NAV2: variants seen among roughly 807,000 people sequenced by gnomAD.
NAV2 encodes helicase, APC down-regulated 1.
A neutral mutation model predicts 223.2 loss-of-function variants in NAV2; 54 were observed. That is an observed-to-expected ratio of 0.24 (90% CI 0.19 to 0.30). NAV2 has a LOEUF of 0.30. Ranked by LOEUF, NAV2 falls within the 10% of genes least tolerant of loss-of-function variation. NAV2 has a pLI of 1.00. For synonymous variants in NAV2, 1,279 were observed against 1,239.3 expected (o/e 1.03, Z -0.67); for missense variants, 2,806 against 3,147.5 (o/e 0.89, Z 2.60).
At chr11:19,796,101 C>T (rs1175700663) in intron 1 of NAV2, among the ~76,000 whole-genome samples, 1 of 152,098 alleles carries the variant, frequency 6.6e-6, no homozygotes, top group African/African-American at 2.4e-5. Context: ...TTAGGGAATT[C>T]ATCAATGGGG....
intron 1 of NAV2, among the ~76,000 whole-genome samples, chr11:19,800,564 C>T (rs1397894181): frequency 1.3e-5 from 2 of 152,148 alleles, no homozygotes; most frequent in Admixed American, 6.5e-5. Context: ...AATCCAGGTT[C>T]TGAATGAATC....
chr11:19,632,600 G>C (rs896812844), intron 1 of NAV2, among the ~76,000 whole-genome samples: 2 of 152,222 alleles, frequency 1.3e-5, no homozygotes, highest in Non-Finnish European at 2.9e-5. Flanking sequence ...TCAGTTCAAA[G>C]AGGCTGATTC....
At chr11:19,681,949 A>G (rs1424415492) in intron 1 of NAV2, among the ~76,000 whole-genome samples, 2 of 152,180 alleles carry the variant, frequency 1.3e-5, no homozygotes, top group East Asian at 3.9e-4. Context: ...CAGGGAATAG[A>G]TAGATGTCCA....
intron 27 of NAV2, 103 bp downstream of exon 27, chr11:20,091,121 G>A (rs1270654096): frequency 1.5e-4 from 183 of 1,251,574 alleles, no homozygotes; most frequent in Middle Eastern, 2.8e-4. Context: ...ATCTGGTGGC[G>A]GCCCTCGCTT....
chr11:20,069,741 C>A (rs1282330478), intron 22 of NAV2, among the ~76,000 whole-genome samples: 3 of 152,174 alleles, frequency 2.0e-5, no homozygotes, highest in Non-Finnish European at 4.4e-5. Flanking sequence ...CACAGCATGT[C>A]GTTAAAATGG....
intron 1 of NAV2, among the ~76,000 whole-genome samples, chr11:19,783,070 G>T (rs565813122): frequency 6.6e-6 from 1 of 152,332 alleles, no homozygotes; most frequent in Admixed American, 6.5e-5. Context: ...CTATAGGAAA[G>T]CAAGGCACTT....
At chr11:19,647,929 C>T (rs744854) in intron 1 of NAV2, among the ~76,000 whole-genome samples, 2,883 of 152,178 alleles carry the variant, frequency 0.019, 91 homozygotes, top group African/African-American at 0.065. Context: ...GTGAGTCAGA[C>T]AACATTAGTC....
At chr11:19,920,856 G>C (rs536108409) in intron 6 of NAV2, among the ~76,000 whole-genome samples, 1 of 152,080 alleles carries the variant, frequency 6.6e-6, no homozygotes, top group Non-Finnish European at 1.5e-5. Flanking sequence ...ATTTTTAAAG[G>C]TGTCTTAGCC....
chr11:20,079,482 A>T (rs1185347289), intron 24 of NAV2, among the ~76,000 whole-genome samples: 1 of 152,230 alleles, frequency 6.6e-6, no homozygotes, highest in African/African-American at 2.4e-5. Flanking sequence ...ACTATCTGCA[A>T]ACTTTATGTC....
intron 1 of NAV2, among the ~76,000 whole-genome samples, chr11:19,540,651 T>C (rs1295360619): frequency 1.3e-5 from 2 of 152,204 alleles, no homozygotes; most frequent in Admixed American, 6.5e-5. Flanking sequence ...TTCAAGACAC[T>C]CTGAGACAAA....
At chr11:19,370,966 G>A (rs1443714982) in intron 1 of NAV2, among the ~76,000 whole-genome samples, 1 of 152,198 alleles carries the variant, frequency 6.6e-6, no homozygotes, top group African/African-American at 2.4e-5. Context: ...TATGTAGAAG[G>A]TCAGAGATGG....
intron 1 of NAV2, among the ~76,000 whole-genome samples, chr11:19,443,477 A>G (rs926702024): frequency 6.6e-6 from 1 of 152,226 alleles, no homozygotes; most frequent in Non-Finnish European, 1.5e-5. Context: ...AATCTTTTGC[A>G]GAAAGTCCCA....
At chr11:19,849,727 C>A (rs980764507) in intron 3 of NAV2, among the ~76,000 whole-genome samples, 3 of 152,144 alleles carry the variant, frequency 2.0e-5, no homozygotes, top group African/African-American at 7.2e-5. Flanking sequence ...TGTTGCAGAA[C>A]CAAGAAGGAA....
chr11:19,848,463 A>C (rs1450976024), intron 3 of NAV2, among the ~76,000 whole-genome samples: 2 of 152,142 alleles, frequency 1.3e-5, no homozygotes, highest in African/African-American at 4.8e-5. Flanking sequence ...GGTCCTCCTC[A>C]GTCTCTTTTC....
At chr11:19,786,327 C>CTATA (rs1565314108) in intron 1 of NAV2, among the ~76,000 whole-genome samples, 1 of 152,180 alleles carries the variant, frequency 6.6e-6, no homozygotes. Context: ...CAGACACCTG[C>CTATA]TATAGCATCA....
At chr11:19,794,414 T>C (rs1311290722) in intron 1 of NAV2, among the ~76,000 whole-genome samples, 9 of 152,224 alleles carry the variant, frequency 5.9e-5, no homozygotes, top group Non-Finnish European at 8.8e-5. Flanking sequence ...TACATCTTTA[T>C]AGCTGCTGAA....
intron 1 of NAV2, among the ~76,000 whole-genome samples, chr11:19,446,746 G>C (rs888272886): frequency 7.9e-5 from 12 of 152,336 alleles, no homozygotes; most frequent in African/African-American, 2.9e-4. Flanking sequence ...GTGGGAGCCA[G>C]AGCCTGGTGG....
chr11:19,610,084 C>G (rs2046594423), intron 1 of NAV2, among the ~76,000 whole-genome samples: 1 of 152,162 alleles, frequency 6.6e-6, no homozygotes, highest in Non-Finnish European at 1.5e-5. Context: ...ATTCCTCGAG[C>G]AGAAAGAATG....
chr11:20,014,951 A>G (rs907861374), intron 11 of NAV2, among the ~76,000 whole-genome samples: 4 of 150,764 alleles, frequency 2.7e-5, no homozygotes, highest in Non-Finnish European at 5.9e-5. Context: ...AATATAAATT[A>G]GAGGCATGAT....
Sources: gnomAD v4.1 joint callset for allele counts (sites outside exome capture counted in the v4.1 genomes callset) on GRCh38, gnomAD v4.1.1 for gene constraint, MANE v1.5 for transcripts, NCBI Gene and HGNC (gene_info 2026-07-23, HGNC 2026-07-21) for gene names.